Variants in PTPRT observed in about 807,000 individuals in gnomAD.
The protein encoded by PTPRT is protein tyrosine phosphatase receptor type T.
PTPRT carries 56 observed loss-of-function variants against 176.8 expected under a neutral mutation model. The ratio of observed to expected loss-of-function variants is 0.32; its 90% CI spans 0.26 to 0.40. The LOEUF is 0.40. PTPRT is among the 10% of genes least tolerant of loss of function. The probability of loss-of-function intolerance (pLI) is 1.00; values close to 1 mark genes in which losing one functional copy is unlikely to be tolerated. For synonymous variants in PTPRT, 783 were observed against 739.0 expected, an observed-to-expected ratio of 1.06 and a Z score of -0.96; for missense variants, 1,540 against 1,908.2, an observed-to-expected ratio of 0.81 and a Z score of 3.60.
intron 1 of PTPRT, among the ~76,000 whole-genome samples, chr20:43,180,089 C>G (rs1382798789): frequency 6.6e-6 from 1 of 152,184 alleles, no homozygotes; most frequent in East Asian, 1.9e-4. Flanking sequence ...GGGGCCCGAA[C>G]AGAACAAAAA....
intron 7 of PTPRT, among the ~76,000 whole-genome samples, chr20:42,479,783 G>A (rs78393566): frequency 0.017 from 2,547 of 152,272 alleles, 71 homozygotes; most frequent in African/African-American, 0.058. Context: ...AGGGATGTTC[G>A]ACTGGTAAGT....
At chr20:42,727,066 G>A (rs922963264) in intron 6 of PTPRT, among the ~76,000 whole-genome samples, 1 of 152,124 alleles carries the variant, frequency 6.6e-6, no homozygotes, top group Admixed American at 6.6e-5. Context: ...GAGTATCTCT[G>A]ATCACGACGC....
Position 42,128,206 on chromosome 20 carries a change from T to C in PTPRT, c.2847+548A>G, listed in dbSNP as rs1180712519. On this transcript the variant is annotated intron_variant, in intron 19 of 30. Transcript: ENST00000373187. ...TAAATCATATCTGTGCTTGAAGCTT[T>C]GGTTCACATCATATTTTGCATTCCT... Among the ~76,000 whole-genome samples, 3 of 152,348 alleles carry C rather than the reference T, an allele frequency of 2.0e-5. No individual in the cohort carries two copies. The East Asian group carries it at 5.8e-4, about 29-fold the overall frequency.
chr20:42,175,075 C>T (rs1600633017), intron 16 of PTPRT, among the ~76,000 whole-genome samples: 4 of 152,268 alleles, frequency 2.6e-5, no homozygotes, highest in Admixed American at 2.6e-4. Flanking sequence ...CTTACAACTC[C>T]TTGAATCCCC....
At position 43,053,599 on chromosome 20, in the gene PTPRT, T is replaced by C. The variant is rs969102842; in HGVS notation, c.88+136047A>G. On this transcript the variant is annotated intron_variant, in intron 1 of 30. Coordinates refer to ENST00000373187, the MANE Select transcript of PTPRT (RefSeq NM_007050.6). The stretch of plus-strand genomic sequence containing the variant: ...ACTCTTCACTACCCACTTCTGTTCC[T>C]GCCTCTGTTTGTGCTCCGCCTGGAT... 9.3e-4 allele frequency among the ~76,000 whole-genome samples: 141 copies of C among 152,326 alleles called. 2 individuals carry two copies. The highest frequency in any genetic ancestry group is 1.9e-4 in the Non-Finnish European group (13 of 68,022).
At chr20:42,380,423 C>T (rs2058688056) in intron 9 of PTPRT, among the ~76,000 whole-genome samples, 1 of 152,212 alleles carries the variant, frequency 6.6e-6, no homozygotes, top group Non-Finnish European at 1.5e-5. Context: ...TCCCTCCATG[C>T]ACTCCTCACT....
At chr20:42,188,712 C>T (rs1283610989) in intron 16 of PTPRT, among the ~76,000 whole-genome samples, 1 of 152,158 alleles carries the variant, frequency 6.6e-6, no homozygotes, top group Non-Finnish European at 1.5e-5. Context: ...TCCCTGATTA[C>T]TTTAACAAGC....
At chr20:42,195,453 A>G (rs1991175551) in intron 16 of PTPRT, among the ~76,000 whole-genome samples, 1 of 152,174 alleles carries the variant, frequency 6.6e-6, no homozygotes, top group Non-Finnish European at 1.5e-5. Context: ...GCAATTTCTC[A>G]TCTCCAGTGT....
intron 7 of PTPRT, among the ~76,000 whole-genome samples, chr20:42,503,014 T>C (rs1414297638): frequency 2.6e-5 from 4 of 152,084 alleles, no homozygotes; most frequent in African/African-American, 9.6e-5. Flanking sequence ...TTTCTTGGAC[T>C]TTTAATATTA....
intron 7 of PTPRT, among the ~76,000 whole-genome samples, chr20:42,624,028 A>AAAC (rs1569027418): frequency 2.8e-5 from 4 of 143,328 alleles, no homozygotes; most frequent in African/African-American, 1.0e-4. Flanking sequence ...AACAAACAAA[A>AAAC]AAAAAAAACC....
intron 1 of PTPRT, among the ~76,000 whole-genome samples, chr20:42,886,282 G>C (rs182144512): frequency 3.9e-5 from 6 of 152,292 alleles, no homozygotes; most frequent in African/African-American, 1.4e-4. Context: ...AGCACGGAGA[G>C]ATGCTGTGAG....
At chr20:42,063,524 T>G in the PTPRT span, 5 of 152,200 alleles carry the variant, frequency 3.3e-5, no homozygotes, top group African/African-American at 1.2e-4. Flanking sequence ...TGGAACTGAC[T>G]GGTGGAATGT....
chr20:42,672,373 G>A (rs2146042796), intron 7 of PTPRT, among the ~76,000 whole-genome samples: 1 of 152,266 alleles, frequency 6.6e-6, no homozygotes, highest in Non-Finnish European at 1.5e-5. Flanking sequence ...TTGGGACTCG[G>A]ACTGGCTTCC....
intron 7 of PTPRT, among the ~76,000 whole-genome samples, chr20:42,664,659 G>A (rs1284435231): frequency 6.6e-6 from 1 of 151,900 alleles, no homozygotes; most frequent in Non-Finnish European, 1.5e-5. Context: ...TGTAAAGCTG[G>A]GGTCCTGCTA....
In PTPRT at chr20:42,772,141, G is replaced by A. The variant is rs547115532; in HGVS notation, c.569-591C>T. ...TGACGATGTTGATGAGGAAGATGAT[G>A]AGGAAGACAAAGAGCGGAAGAGGGA... On this transcript the variant is annotated intron_variant, in intron 4 of 30. Transcript: ENST00000373187. Among the ~76,000 whole-genome samples the A allele has an allele frequency of 2.0e-5, 3 of 152,332 alleles. No individual in the cohort carries two copies. The South Asian group carries it at 6.2e-4, about 32-fold the overall frequency.
At chr20:42,945,859 C>G (rs1328631922) in intron 1 of PTPRT, among the ~76,000 whole-genome samples, 1 of 152,120 alleles carries the variant, frequency 6.6e-6, no homozygotes, top group Non-Finnish European at 1.5e-5. Context: ...ACCCCCGACC[C>G]ATTAAGCAGT....
chr20:42,364,397 C>A (rs2058486453), intron 9 of PTPRT, among the ~76,000 whole-genome samples: 1 of 152,160 alleles, frequency 6.6e-6, no homozygotes, highest in South Asian at 2.1e-4. Flanking sequence ...GAGACTACAC[C>A]ATCAATTCAA....
In PTPRT at chr20:42,598,606, C is replaced by T. The variant is rs528806466; in HGVS notation, c.1153+79260G>A. ...TATTTTAGCTGTTTTCTGCATTTTT[C>T]CAATACAACATGTACATTATTTTCA... On this transcript the variant is annotated intron_variant, in intron 7 of 30. Transcript: ENST00000373187. 8.9e-4 allele frequency among the ~76,000 whole-genome samples: 136 copies of T among 152,164 alleles called. 1 individual carries two copies. The highest frequency in any genetic ancestry group is 3.2e-3 in the African/African-American group (131 of 41,522).
intron 7 of PTPRT, among the ~76,000 whole-genome samples, chr20:42,657,217 A>C (rs2075140944): frequency 6.6e-6 from 1 of 152,150 alleles, no homozygotes; most frequent in Non-Finnish European, 1.5e-5. Flanking sequence ...AGGCCTCCTA[A>C]GCCCTGTGGA....
Sources: allele counts gnomAD v4.1 joint callset (sites outside exome capture counted in the v4.1 genomes callset), GRCh38; gene constraint gnomAD v4.1.1; transcripts MANE v1.5; gene names NCBI Gene and HGNC (gene_info 2026-07-23, HGNC 2026-07-21).